DNMT3B: variants seen among roughly 807,000 people sequenced by gnomAD.
DNMT3B encodes the protein DNA methyltransferase 3 beta.
A neutral mutation model predicts 120.2 loss-of-function variants in DNMT3B; 37 were observed. The ratio of observed to expected loss-of-function variants is 0.31; its 90% CI spans 0.24 to 0.40. The LOEUF is 0.40. Ranked by LOEUF, DNMT3B falls within the 10% of genes least tolerant of loss-of-function variation. DNMT3B has a pLI of 1.00. For synonymous variants in DNMT3B, 412 were observed against 442.8 expected, an observed-to-expected ratio of 0.93 and a Z score of 0.87; for missense variants, 878 against 1,137.3, an observed-to-expected ratio of 0.77 and a Z score of 3.28.
At chr20:32,764,659 G>T (rs1010282955) in intron 1 of DNMT3B, among the ~76,000 whole-genome samples, 2 of 152,180 alleles carry the variant, frequency 1.3e-5, no homozygotes, top group African/African-American at 4.8e-5. Flanking sequence ...ACGCATGGGG[G>T]CCTACTGCAA....
At chr20:32,767,426 T>TG (rs984973129) in intron 1 of DNMT3B, among the ~76,000 whole-genome samples, 10 of 147,446 alleles carry the variant, frequency 6.8e-5, no homozygotes, top group East Asian at 3.9e-4. Context: ...CTTGTGTGTG[T>TG]TTTTTTTTTA....
intron 1 of DNMT3B, among the ~76,000 whole-genome samples, chr20:32,769,832 C>T (rs1254661452): frequency 3.3e-5 from 5 of 152,056 alleles, no homozygotes; most frequent in Non-Finnish European, 4.4e-5. Context: ...TTGCAACTTC[C>T]GCCTCCTGAA....
At chr20:32,770,362 C>T (rs533596046) in intron 1 of DNMT3B, among the ~76,000 whole-genome samples, 79 of 152,158 alleles carry the variant, frequency 5.2e-4, no homozygotes, top group Non-Finnish European at 1.1e-3. Context: ...GATCTCAGCT[C>T]ACCGCAACCT....
In DNMT3B at chr20:32,807,747, C is replaced by T. The variant is rs1179363205; in HGVS notation, c.2421-15C>T. The T allele has an allele frequency of 6.2e-6, 10 of 1,613,848 alleles. No homozygotes were observed. In the Admixed American group the frequency reaches 6.7e-5, roughly 11 times the overall value. ...GCACTTCTGACTTGCTGTCTTTTCA[C>T]TCCGGTACCCCCAGGATCTTTGGCT... On this transcript the variant is annotated splice_polypyrimidine_tract_variant and intron_variant, in intron 22 of 22. Transcript: ENST00000328111.
At chr20:32,763,585 C>T (rs369951875) in intron 1 of DNMT3B, among the ~76,000 whole-genome samples, 5 of 152,214 alleles carry the variant, frequency 3.3e-5, no homozygotes, top group African/African-American at 1.2e-4. Flanking sequence ...CTTCCCGGCT[C>T]GTGGTTGCAT....
At chr20:32,780,913 C>T (rs942625727) in intron 2 of DNMT3B, among the ~76,000 whole-genome samples, 1 of 152,228 alleles carries the variant, frequency 6.6e-6, no homozygotes, top group East Asian at 1.9e-4. Context: ...CCTGCATTGT[C>T]CTCTCAGCTG....
At chr20:32,776,258 T>C (rs1052855739) in intron 1 of DNMT3B, among the ~76,000 whole-genome samples, 32 of 150,686 alleles carry the variant, frequency 2.1e-4, no homozygotes, top group Non-Finnish European at 1.0e-4. Flanking sequence ...TCCATGGTGG[T>C]AGACAGTGTT....
chr20:32,772,932 AT>A (rs1601055629), intron 1 of DNMT3B, among the ~76,000 whole-genome samples: 2 of 145,124 alleles, frequency 1.4e-5, no homozygotes, highest in East Asian at 4.1e-4. Context: ...CTAGAGTGCA[AT>A]GGCACGATCC....
intron 16 of DNMT3B, among the ~76,000 whole-genome samples, chr20:32,799,815 G>A (rs770339863): frequency 6.6e-6 from 1 of 152,096 alleles, no homozygotes; most frequent in African/African-American, 2.4e-5. Flanking sequence ...ACCGTGCCTG[G>A]GCAGTCTTGG....
intron 5 of DNMT3B, 70 bp from the exon 6 acceptor site, chr20:32,787,160 G>C: frequency 6.4e-7 from 1 of 1,573,806 alleles, no homozygotes; most frequent in South Asian, 1.1e-5. Context: ...GAGCCATATG[G>C]GGGTGCCGTT....
At position 32,788,976 on chromosome 20, in the gene DNMT3B, G is replaced by A. The variant is rs188514528; in HGVS notation, c.777G>A (p.Arg259=). Residue 259 remains arginine, a synonymous_variant, in exon 7 of 23, where the codon CGG becomes CGA. Transcript: ENST00000328111. The part of the protein sequence containing the change: ...TSKRQAMSGM[R]WVQWFGDGKF... ...AGCGACAGGCTATGTCTGGCATGCG[G>A]TGGGTCCAGTGGTTTGGCGATGGCA... is the stretch of plus-strand genomic sequence containing the variant. 9.9e-6 allele frequency: 16 copies of A among 1,614,246 alleles called. No homozygotes were observed. The African/African-American group carries it at 1.5e-4, about 15-fold the overall frequency.
chr20:32,805,263 C>T (rs1344113351), intron 20 of DNMT3B, 75 bp from the exon 21 acceptor site: 3 of 1,560,434 alleles, frequency 1.9e-6, no homozygotes, highest in East Asian at 2.2e-5. Flanking sequence ...GCAACATAGA[C>T]CCTCACTCCC....
chr20:32,805,672 G>A lies in DNMT3B; in HGVS notation c.2301+265G>A, dbSNP rs60958255. On this transcript the variant is annotated intron_variant, in intron 21 of 22. Transcript: ENST00000328111. ...ACATAAAGACAAAGAGTTTCAGCTG[G>A]CCCTCTCAGGGAGAAAGGAATCATT... 9.6e-3 allele frequency among the ~76,000 whole-genome samples: 1,461 copies of A among 152,286 alleles called. 26 individuals carry two copies. The highest frequency in any genetic ancestry group is 0.034 in the African/African-American group (1,408 of 41,536).
At chr20:32,781,933 G>A (rs867842067) in intron 3 of DNMT3B, among the ~76,000 whole-genome samples, 7 of 152,132 alleles carry the variant, frequency 4.6e-5, no homozygotes, top group Admixed American at 1.3e-4. Context: ...ACTTAATAAC[G>A]GCTCCAAAGT....
Position 32,805,374 on chromosome 20 carries a change from G to A in DNMT3B, c.2268G>A (p.Leu756=). The change falls in exon 21 of 23, where the codon CTG becomes CTA. Residue 756 remains leucine (L), a synonymous_variant. Coordinates refer to ENST00000328111, the MANE Select transcript of DNMT3B (RefSeq NM_006892.4). ...VIASKNDKLE[L]QDCLEYNRIA... is the part of the protein sequence containing the mutation. ...CATCAAAGAATGATAAACTCGAGCT[G>A]CAGGACTGCTTGGAATACAATAGGA... The A allele has an allele frequency of 6.2e-7, 1 of 1,614,152 alleles. No individual in the cohort carries two copies. Among genetic ancestry groups the A allele is most frequent in the Non-Finnish European group, 8.5e-7 (1 of 1,180,008 alleles).
intron 1 of DNMT3B, among the ~76,000 whole-genome samples, chr20:32,779,052 C>G: frequency 6.6e-6 from 1 of 152,190 alleles, no homozygotes. Context: ...CGATGGAGCC[C>G]GAGGCAGGGA....
chr20:32,801,225 G>T (rs1981300813), intron 18 of DNMT3B, 53 bp from the exon 19 acceptor site: 2 of 1,613,474 alleles, frequency 1.2e-6, no homozygotes, highest in Admixed American at 1.7e-5. Context: ...AATAAGGTGG[G>T]TTGGGCTGGA....
At position 32,795,629 on chromosome 20, in the gene DNMT3B, G is replaced by GC. The variant is rs1471008977; in HGVS notation, c.1253-19dup. Reference sequence around the variant, plus strand: ...ACCCGGCTCCCTGACCTCATCTCATGCCTTCTTCTTTTCTCAATAGAACAA... The same window carrying GC: ...ACCCGGCTCCCTGACCTCATCTCATGCCCTTCTTCTTTTCTCAATAGAACAA... On this transcript the variant is annotated intron_variant, in intron 11 of 22. Transcript: ENST00000328111. The GC allele has an allele frequency of 6.8e-6, 11 of 1,614,190 alleles. No homozygotes were observed. In the Admixed American group the frequency reaches 1.8e-4, roughly 27 times the overall value.
intron 5 of DNMT3B, 71 bp downstream of exon 5, chr20:32,786,698 A>C: frequency 6.2e-7 from 1 of 1,606,488 alleles, no homozygotes; most frequent in Non-Finnish European, 8.5e-7. Context: ...TCACTGCACT[A>C]CTGGTTGTGG....
Sources: gnomAD v4.1 joint callset for allele counts (sites outside exome capture counted in the v4.1 genomes callset) on GRCh38, gnomAD v4.1.1 for gene constraint, MANE v1.5 for transcripts, NCBI Gene and HGNC (gene_info 2026-07-23, HGNC 2026-07-21) for gene names.